The following RANBP2 variants were observed in gnomAD, a reference collection of about 807,000 sequenced individuals.
RANBP2 encodes E3 SUMO-protein ligase RanBP2.
A neutral mutation model predicts 303.6 loss-of-function variants in RANBP2; 57 were observed. That is an observed-to-expected ratio of 0.19 (90% CI 0.15 to 0.23). RANBP2 has a LOEUF of 0.23. RANBP2 is among the 10% of genes least tolerant of loss of function. RANBP2 has a pLI of 1.00. For missense variants in RANBP2, 3,138 were observed against 3,780.8 expected (o/e 0.83, Z 4.46); for synonymous variants, 1,167 against 1,301.5 (o/e 0.90, Z 2.23).
At chr2:109,048,811 G>A in the RANBP2 span, among the ~76,000 whole-genome samples, 5 of 152,172 alleles carry the variant, frequency 3.3e-5, no homozygotes, top group East Asian at 1.9e-4. Context: ...GCAGGAGCAA[G>A]AGGTCCATCT....
intron 1 of RANBP2, among the ~76,000 whole-genome samples, chr2:108,721,669 A>G (rs1694259300): frequency 6.7e-6 from 1 of 149,910 alleles, no homozygotes; most frequent in African/African-American, 2.5e-5. Context: ...CTGTTCTTGA[A>G]CTCCTGGGCT....
the RANBP2 span, among the ~76,000 whole-genome samples, chr2:109,086,348 G>A: frequency 6.6e-6 from 1 of 152,270 alleles, no homozygotes; most frequent in Non-Finnish European, 1.5e-5. Flanking sequence ...TGGATGCAGG[G>A]CCCTAATATT....
At chr2:108,819,497 G>A in the RANBP2 span, among the ~76,000 whole-genome samples, 1 of 152,110 alleles carries the variant, frequency 6.6e-6, no homozygotes, top group Non-Finnish European at 1.5e-5. Context: ...CAGCACGTAA[G>A]AGCTGCGGAG....
At chr2:108,815,983 A>G in the RANBP2 span, 4 of 1,613,578 alleles carry the variant, frequency 2.5e-6, no homozygotes, top group Middle Eastern at 1.7e-4. Context: ...AACTGTCTTC[A>G]TGGACTGGAT....
the RANBP2 span, among the ~76,000 whole-genome samples, chr2:109,576,766 T>C: frequency 6.6e-6 from 1 of 152,146 alleles, no homozygotes; most frequent in African/African-American, 2.4e-5. Flanking sequence ...ATAAATAATA[T>C]GCCATTCTTT....
At chr2:108,773,691 G>T (rs370753092) in intron 23 of RANBP2, among the ~76,000 whole-genome samples, 1 of 151,552 alleles carries the variant, frequency 6.6e-6, no homozygotes, top group Non-Finnish European at 1.5e-5. Flanking sequence ...TCTGTCGCCA[G>T]GCTGGAGTGC....
the RANBP2 span, among the ~76,000 whole-genome samples, chr2:109,150,392 G>T: frequency 6.6e-6 from 1 of 152,196 alleles, no homozygotes; most frequent in African/African-American, 2.4e-5. Context: ...ATAACCTGAT[G>T]ATAGTCGAAG....
At chr2:109,482,946 T>A in the RANBP2 span, among the ~76,000 whole-genome samples, 1 of 152,258 alleles carries the variant, frequency 6.6e-6, no homozygotes, top group Non-Finnish European at 1.5e-5. Context: ...TTTTTGAAGA[T>A]GCATGTTAAT....
the RANBP2 span, chr2:108,816,172 C>G: frequency 8.4e-7 from 1 of 1,185,778 alleles, no homozygotes; most frequent in Middle Eastern, 2.7e-4. Context: ...AAGCCAGGGC[C>G]AGGCACAGTG....
At chr2:109,381,153 C>T in the RANBP2 span, among the ~76,000 whole-genome samples, 2 of 152,216 alleles carry the variant, frequency 1.3e-5, no homozygotes, top group African/African-American at 2.4e-5. Context: ...TGAGTCATCT[C>T]CTGAAGAGAC....
At chr2:108,890,046 C>T in the RANBP2 span, among the ~76,000 whole-genome samples, 3 of 151,984 alleles carry the variant, frequency 2.0e-5, no homozygotes, top group Non-Finnish European at 4.4e-5. Context: ...AATGAATTCC[C>T]TCAGCATTTG....
chr2:109,159,559 A>G, the RANBP2 span, among the ~76,000 whole-genome samples: 1 of 152,224 alleles, frequency 6.6e-6, no homozygotes, highest in Non-Finnish European at 1.5e-5. Context: ...CAGTTGAGAA[A>G]TCTGGCTGTT....
At chr2:108,875,336 A>C in the RANBP2 span, among the ~76,000 whole-genome samples, 1 of 124,604 alleles carries the variant, frequency 8.0e-6, no homozygotes, top group Non-Finnish European at 1.6e-5. Flanking sequence ...AAAAAAAAAA[A>C]GAAACAAATT....
chr2:109,649,913 T>G, the RANBP2 span, among the ~76,000 whole-genome samples: 1 of 152,196 alleles, frequency 6.6e-6, no homozygotes, highest in Admixed American at 6.5e-5. Flanking sequence ...GGAAAGCCAT[T>G]GCAACAATAA....
At chr2:109,607,248 G>T in the RANBP2 span, among the ~76,000 whole-genome samples, 1 of 152,120 alleles carries the variant, frequency 6.6e-6, no homozygotes. Context: ...AGTCTCCATA[G>T]AAACAATATT....
the RANBP2 span, among the ~76,000 whole-genome samples, chr2:109,220,686 C>CTAGA: frequency 3.9e-5 from 6 of 152,144 alleles, no homozygotes; most frequent in African/African-American, 1.4e-4. Context: ...TCATTTGTTA[C>CTAGA]TAGAGGAATG....
chr2:109,648,708 C>T, the RANBP2 span, among the ~76,000 whole-genome samples: 496 of 147,218 alleles, frequency 3.4e-3, 4 homozygotes, highest in African/African-American at 0.012. Context: ...GGCTGGAGTG[C>T]AGTGGCGTGA....
the RANBP2 span, among the ~76,000 whole-genome samples, chr2:109,299,904 A>G: frequency 6.6e-6 from 1 of 152,218 alleles, no homozygotes; most frequent in Non-Finnish European, 1.5e-5. Flanking sequence ...CCTGAATGAC[A>G]AGTAGGATGT....
chr2:109,682,282 T>C, the RANBP2 span, among the ~76,000 whole-genome samples: 81 of 152,228 alleles, frequency 5.3e-4, no homozygotes, highest in African/African-American at 1.9e-3. Flanking sequence ...GAATCTCAGA[T>C]ACACAATGAA....
Sources: allele counts gnomAD v4.1 joint callset (sites outside exome capture counted in the v4.1 genomes callset), GRCh38; gene constraint gnomAD v4.1.1; transcripts MANE v1.5; gene names NCBI Gene and HGNC (gene_info 2026-07-23, HGNC 2026-07-21).